Variants in SLC4A10 observed in about 807,000 individuals in gnomAD.
SLC4A10 encodes solute carrier family 4 member 10, also known as sodium-driven chloride bicarbonate exchanger.
SLC4A10 carries 42 observed loss-of-function variants against 137.7 expected under a neutral mutation model. That is an observed-to-expected ratio of 0.30 (90% confidence interval 0.24 to 0.39). The LOEUF (loss-of-function observed/expected upper bound fraction) is 0.39. SLC4A10 is among the 10% of genes least tolerant of loss of function. SLC4A10 has a pLI of 1.00. For missense variants in SLC4A10, 925 were observed against 1,355.0 expected, an observed-to-expected ratio of 0.68 and a Z score of 4.98; for synonymous variants, 474 against 464.1, an observed-to-expected ratio of 1.02 and a Z score of -0.27.
chr2:161,731,916 C>A (rs182859221), intron 1 of SLC4A10, among the ~76,000 whole-genome samples: 120 of 152,172 alleles, frequency 7.9e-4, no homozygotes, highest in Middle Eastern at 3.4e-3. Context: ...CTTATATTCT[C>A]TGATTTCTTA....
At chr2:161,843,580 T>C (rs1437396661) in intron 4 of SLC4A10, among the ~76,000 whole-genome samples, 4 of 152,062 alleles carry the variant, frequency 2.6e-5, no homozygotes, top group Non-Finnish European at 4.4e-5. Flanking sequence ...GGGCAGAACA[T>C]ATTTATTGAG....
In SLC4A10 at chr2:161,934,537, A is replaced by G. The variant is rs138637314; in HGVS notation, c.1998-8255A>G. Among the ~76,000 whole-genome samples the G allele has an allele frequency of 7.9e-5, 12 of 152,290 alleles. No individual in the cohort carries two copies. In the East Asian group the frequency reaches 1.7e-3, roughly 22 times the overall value. ...GGCTGAATAGTATTTCATCATATAT[A>G]TGTACCACATTTTCCTTATTCATTC... On this transcript the variant is annotated intron_variant, in intron 15 of 26. Transcript: ENST00000446997.
In SLC4A10 at chr2:161,983,212, A is replaced by G; in HGVS notation, c.*60A>G. On this transcript the variant is annotated 3_prime_UTR_variant, in exon 27 of 27. Transcript: ENST00000446997. ...GCCGAAAAGAGAAGAAAGCTGACTC[A>G]GGGAAAGGTGTTGACAGGGAGACTT... 6.5e-7 allele frequency: 1 copy of G among 1,536,802 alleles called. No homozygotes were observed. The highest frequency in any genetic ancestry group is 8.7e-7 in the Non-Finnish European group (1 of 1,147,052).
chr2:161,652,960 TC>T (rs2037015372), intron 1 of SLC4A10, among the ~76,000 whole-genome samples: 1 of 152,064 alleles, frequency 6.6e-6, no homozygotes, highest in Non-Finnish European at 1.5e-5. Context: ...CATCAACCCA[TC>T]ATCTACATTA....
chr2:161,737,015 C>A (rs1358907482), intron 1 of SLC4A10, among the ~76,000 whole-genome samples: 1 of 151,856 alleles, frequency 6.6e-6, no homozygotes, highest in Non-Finnish European at 1.5e-5. Context: ...TATGCACGAC[C>A]ATGCCCAGTG....
At chr2:161,750,278 C>G (rs913522051) in intron 1 of SLC4A10, among the ~76,000 whole-genome samples, 2 of 151,450 alleles carry the variant, frequency 1.3e-5, no homozygotes, top group African/African-American at 4.8e-5. Context: ...TATTCCTTCT[C>G]TCTGCTAACA....
At chr2:161,772,652 A>T (rs997740643) in intron 2 of SLC4A10, among the ~76,000 whole-genome samples, 14 of 151,918 alleles carry the variant, frequency 9.2e-5, no homozygotes, top group African/African-American at 3.4e-4. Flanking sequence ...AATTGAATCC[A>T]ATAAGCTAAT....
At chr2:161,678,186 T>C (rs1381161736) in intron 1 of SLC4A10, among the ~76,000 whole-genome samples, 1 of 152,192 alleles carries the variant, frequency 6.6e-6, no homozygotes, top group East Asian at 1.9e-4. Flanking sequence ...TCTGGATGAC[T>C]GGCTTAGATA....
intron 1 of SLC4A10, among the ~76,000 whole-genome samples, chr2:161,747,154 C>T (rs2048472603): frequency 6.6e-6 from 1 of 152,126 alleles, no homozygotes; most frequent in African/African-American, 2.4e-5. Flanking sequence ...GCCCTTGTAG[C>T]CTAGACTGCC....
At chr2:161,796,416 G>C (rs2054779336) in intron 2 of SLC4A10, among the ~76,000 whole-genome samples, 1 of 152,174 alleles carries the variant, frequency 6.6e-6, no homozygotes. Flanking sequence ...GCCAGCTAGG[G>C]CTTCTCTCTT....
chr2:161,943,514 C>A (rs1044104535), intron 16 of SLC4A10, among the ~76,000 whole-genome samples: 1 of 151,908 alleles, frequency 6.6e-6, no homozygotes. Context: ...TTTGTGATTT[C>A]TTTTTTCTCA....
intron 1 of SLC4A10, among the ~76,000 whole-genome samples, chr2:161,713,642 G>A (rs1365243072): frequency 2.6e-5 from 4 of 151,740 alleles, no homozygotes; most frequent in Admixed American, 2.6e-4. Flanking sequence ...TTAATACAAT[G>A]AATACTCATG....
chr2:161,974,221 T>C (rs756313278), intron 23 of SLC4A10, 28 bp from the exon 24 acceptor site: 9 of 1,571,326 alleles, frequency 5.7e-6, no homozygotes, highest in Non-Finnish European at 6.1e-6. Flanking sequence ...TCAGGTTCAC[T>C]TTATATACTT....
Position 161,803,264 on chromosome 2 carries a change from T to C in SLC4A10, c.131-1185T>C, listed in dbSNP as rs113336415. 9.5e-4 allele frequency among the ~76,000 whole-genome samples: 144 copies of C among 152,284 alleles called. 2 individuals are homozygous for C. The highest frequency in any genetic ancestry group is 3.2e-3 in the African/African-American group (135 of 41,574). ...ATACTGCACAGAAAGTTGAGACAGT[T>C]CCCATGTATTTCCTCTCCCTGCTGC... On this transcript the variant is annotated intron_variant, in intron 2 of 26. Coordinates refer to ENST00000446997, the MANE Select transcript of SLC4A10 (RefSeq NM_001178015.2).
intron 1 of SLC4A10, among the ~76,000 whole-genome samples, chr2:161,631,732 T>C (rs72873628): frequency 0.012 from 1,863 of 151,806 alleles, 37 homozygotes; most frequent in Admixed American, 0.014. Flanking sequence ...AACACAAAAA[T>C]TGCAGAAGTG....
chr2:161,692,686 T>G lies in SLC4A10; in HGVS notation c.48+68120T>G, dbSNP rs183948697. ...GTCACAGGGGCAAATGATGGCAGTA[T>G]TTATCAAGTCCAATGTAGGGCATTG... On this transcript the variant is annotated intron_variant, in intron 1 of 26. Transcript: ENST00000446997. 5.1e-3 allele frequency among the ~76,000 whole-genome samples: 778 copies of G among 152,204 alleles called. 6 individuals carry two copies. Among genetic ancestry groups the G allele is most frequent in the South Asian group, 7.9e-3 (38 of 4,822 alleles).
At chr2:161,974,577 T>C (rs1699087487) in intron 24 of SLC4A10, among the ~76,000 whole-genome samples, 1 of 152,194 alleles carries the variant, frequency 6.6e-6, no homozygotes. Flanking sequence ...ATAATGTGTA[T>C]GAAAAATCCC....
intron 1 of SLC4A10, among the ~76,000 whole-genome samples, chr2:161,719,202 C>T (rs2045326634): frequency 6.6e-6 from 1 of 152,046 alleles, no homozygotes. Flanking sequence ...TGGTTTCCAG[C>T]TTCATCCATG....
chr2:161,935,066 G>A (rs77220105), intron 15 of SLC4A10, among the ~76,000 whole-genome samples: 2,301 of 152,132 alleles, frequency 0.015, 56 homozygotes, highest in African/African-American at 0.053. Flanking sequence ...TTTTAAATAT[G>A]GTGTGAGATA....
Sources: gnomAD v4.1 joint callset for allele counts (sites outside exome capture counted in the v4.1 genomes callset) on GRCh38, gnomAD v4.1.1 for gene constraint, MANE v1.5 for transcripts, NCBI Gene and HGNC (gene_info 2026-07-23, HGNC 2026-07-21) for gene names.